TFDP1: variants seen among roughly 807,000 people sequenced by gnomAD.
The protein encoded by TFDP1 is transcription factor Dp-1.
TFDP1 carries 6 observed loss-of-function variants against 48.0 expected under a neutral mutation model. That is an observed-to-expected ratio of 0.13 (90% CI 0.07 to 0.25). TFDP1 has a LOEUF of 0.25. Ranked by LOEUF, TFDP1 falls within the 10% of genes least tolerant of loss-of-function variation. The probability of loss-of-function intolerance (pLI) is 1.00; values close to 1 mark genes in which losing one functional copy is unlikely to be tolerated. For missense variants in TFDP1, 335 were observed against 543.0 expected, an observed-to-expected ratio of 0.62 and a Z score of 3.81; for synonymous variants, 201 against 211.6, an observed-to-expected ratio of 0.95 and a Z score of 0.44.
Position 113,623,304 on chromosome 13 carries a change from G to A in TFDP1, c.186+18G>A, listed in dbSNP as rs772521791. The A allele has an allele frequency of 3.8e-6, 6 of 1,593,892 alleles. No individual in the cohort carries two copies. The highest frequency in any genetic ancestry group is 5.1e-6 in the Non-Finnish European group (6 of 1,169,916). ...AGCAAGTGGTAAGCCTCCCGCAGGA[G>A]CGGACAGCCGGGATCTCGGTGTGAG... is the stretch of plus-strand genomic sequence containing the variant. On this transcript the variant is annotated intron_variant, in intron 4 of 11. Transcript: ENST00000375370. The surrounding 1 kb of genome is among the most constrained non-coding windows in gnomAD (Gnocchi z 5.2).
chr13:113,608,511 C>T (rs1041883614), intron 2 of TFDP1, among the ~76,000 whole-genome samples: 1 of 152,196 alleles, frequency 6.6e-6, no homozygotes, highest in Non-Finnish European at 1.5e-5. Context: ...TCCACGCACA[C>T]GGGGCTGGAG....
intron 3 of TFDP1, among the ~76,000 whole-genome samples, chr13:113,617,527 A>G (rs1189520340): frequency 3.7e-5 from 5 of 136,866 alleles, no homozygotes; most frequent in East Asian, 2.2e-4. Flanking sequence ...CACCTGCAGA[A>G]CCATTCACCT....
At chr13:113,589,457 C>G (rs920475982) in intron 2 of TFDP1, among the ~76,000 whole-genome samples, 6 of 152,120 alleles carry the variant, frequency 3.9e-5, no homozygotes, top group African/African-American at 1.4e-4. Flanking sequence ...CATGCCTGGC[C>G]CACCCGGTCT....
In TFDP1 at chr13:113,636,138, G is replaced by A. The variant is rs1031844209; in HGVS notation, c.839+10G>A. ...GCATCTCCAATGACAAGTAGGTTGT[G>A]GGCGGGGAGCTGTTCCCTGGTCACC... On this transcript the variant is annotated intron_variant, in intron 9 of 11. Coordinates refer to ENST00000375370, the MANE Select transcript of TFDP1 (RefSeq NM_007111.5). 11 of 1,613,806 alleles carry A rather than the reference G, an allele frequency of 6.8e-6. No homozygotes were observed. Among genetic ancestry groups the A allele is most frequent in the Non-Finnish European group, 9.3e-6 (11 of 1,179,910 alleles).
intron 4 of TFDP1, among the ~76,000 whole-genome samples, chr13:113,625,268 C>T (rs1415768787): frequency 8.1e-6 from 1 of 122,916 alleles, no homozygotes; most frequent in African/African-American, 3.7e-5. Flanking sequence ...TCTCACATGT[C>T]CTCAGGTGTC....
intron 2 of TFDP1, among the ~76,000 whole-genome samples, chr13:113,599,983 TGA>T (rs928155645): frequency 2.7e-5 from 4 of 147,126 alleles, no homozygotes; most frequent in South Asian, 2.2e-4. Context: ...TCCAGGACCA[TGA>T]GAGAGAGCCC....
chr13:113,617,984 G>A (rs2048904842), intron 3 of TFDP1, among the ~76,000 whole-genome samples: 1 of 152,196 alleles, frequency 6.6e-6, no homozygotes, highest in South Asian at 2.1e-4. Context: ...TCCCAAGAAA[G>A]GAATTCTCCA....
At chr13:113,630,409 G>C (rs1407079598) in intron 4 of TFDP1, among the ~76,000 whole-genome samples, 1 of 152,148 alleles carries the variant, frequency 6.6e-6, no homozygotes, top group Non-Finnish European at 1.5e-5. Context: ...ATCTGGCCTA[G>C]GGATAATTGG....
chr13:113,631,851 C>A, intron 5 of TFDP1, 107 bp downstream of exon 5: 3 of 1,427,914 alleles, frequency 2.1e-6, no homozygotes, highest in Admixed American at 2.2e-5. Context: ...GGGGCTCCCA[C>A]GCGCGTTGAC....
In TFDP1 at chr13:113,633,876, C is replaced by A. The variant is rs2049403309; in HGVS notation, c.475-14C>A. The A allele has an allele frequency of 1.2e-6, 2 of 1,601,112 alleles. No homozygotes were observed. Among genetic ancestry groups the A allele is most frequent in the South Asian group, 2.2e-5 (2 of 89,374 alleles). ...TTTGGATCATTTGGAAACTCCACTC[C>A]CTGTCATCCCCAGGCTTATGACCAG... is the stretch of plus-strand genomic sequence containing the variant. On this transcript the variant is annotated splice_polypyrimidine_tract_variant and intron_variant, in intron 6 of 11. Coordinates refer to ENST00000375370, the MANE Select transcript of TFDP1 (RefSeq NM_007111.5). This position sits in a 1 kb window ranked among gnomAD's most constrained non-coding sequence, Gnocchi z 4.5.
At chr13:113,634,282 T>A (rs2049414847) in intron 7 of TFDP1, 1 of 647,484 alleles carries the variant, frequency 1.5e-6, no homozygotes, top group African/African-American at 1.8e-5. Flanking sequence ...GTTTGTGGGA[T>A]TTTTGTTTTC....
At position 113,634,166 on chromosome 13, in the gene TFDP1, G is replaced by A. The variant is rs753511070; in HGVS notation, c.618+133G>A. The A allele has an allele frequency of 3.1e-6, 4 of 1,274,190 alleles. No homozygotes were observed. In the Admixed American group the frequency reaches 7.3e-5, roughly 23 times the overall value. 78.9% of individuals were successfully genotyped at this position (1,274,190 alleles called of 1,614,324 possible). On this transcript the variant is annotated intron_variant, in intron 7 of 11. Coordinates refer to ENST00000375370, the MANE Select transcript of TFDP1 (RefSeq NM_007111.5). The stretch of plus-strand genomic sequence containing the variant: ...TGTCCGGCTGGCAGACGGTCATGCA[G>A]ACGTCTCCCTGCGTTTCTCAGTCTT...
intron 7 of TFDP1, 109 bp from the exon 8 acceptor site, chr13:113,634,425 A>G (rs2049418508): frequency 2.2e-6 from 2 of 923,242 alleles, no homozygotes; most frequent in Non-Finnish European, 3.4e-6. Context: ...CTTCGATTAC[A>G]TTCTGGGTAA....
chr13:113,585,717 G>A (rs1277551576), intron 1 of TFDP1, 57 bp from the exon 2 acceptor site: 11 of 1,105,008 alleles, frequency 1.0e-5, no homozygotes, highest in African/African-American at 1.6e-5. Flanking sequence ...TTTAAACTTC[G>A]TTTTTCATTC....
intron 2 of TFDP1, among the ~76,000 whole-genome samples, chr13:113,592,587 T>C (rs189426142): frequency 1.3e-3 from 200 of 152,346 alleles, no homozygotes; most frequent in Non-Finnish European, 2.0e-3. Flanking sequence ...ACCCTGGTCT[T>C]CTGTTCATTA....
At chr13:113,636,787 T>A in intron 10 of TFDP1, 87 bp downstream of exon 10, 2 of 1,467,116 alleles carry the variant, frequency 1.4e-6, no homozygotes, top group African/African-American at 3.1e-5. Flanking sequence ...GCTCGGGATG[T>A]GTCTTGCTGA....
chr13:113,623,403 G>A lies in TFDP1; in HGVS notation c.186+117G>A. The A allele has an allele frequency of 4.2e-6, 4 of 948,224 alleles. No homozygotes were observed. The highest frequency in any genetic ancestry group is 6.3e-6 in the Non-Finnish European group (4 of 630,566). 58.7% of individuals were successfully genotyped at this position (948,224 alleles called of 1,614,324 possible). On this transcript the variant is annotated intron_variant, in intron 4 of 11. Coordinates refer to ENST00000375370, the MANE Select transcript of TFDP1 (RefSeq NM_007111.5). The surrounding 1 kb of genome is among the most constrained non-coding windows in gnomAD (Gnocchi z 5.2). The stretch of plus-strand genomic sequence containing the variant: ...GGATTTGGGCTCCAGTTGCAGCATG[G>A]GGCCTTTCCCTCATCAGGGAGCCCG...
chr13:113,606,620 G>C (rs993342765), intron 2 of TFDP1, among the ~76,000 whole-genome samples: 17 of 152,230 alleles, frequency 1.1e-4, no homozygotes, highest in Non-Finnish European at 2.2e-4. Flanking sequence ...GCCATCAGCT[G>C]CCTGCTCCCG....
Position 113,585,831 on chromosome 13 carries a change from T to C in TFDP1, c.-7T>C. ...ATTTGTAGCATTGATTTCCCGGATC[T>C]GGTAACATGGCAAAAGATGTAAGTA... On this transcript the variant is annotated 5_prime_UTR_variant, in exon 2 of 12. Coordinates refer to ENST00000375370, the MANE Select transcript of TFDP1 (RefSeq NM_007111.5). 1.3e-6 allele frequency: 2 copies of C among 1,598,986 alleles called. No homozygotes were observed. The highest frequency in any genetic ancestry group is 1.7e-6 in the Non-Finnish European group (2 of 1,167,874).
Sources: gnomAD v4.1 joint callset for allele counts (sites outside exome capture counted in the v4.1 genomes callset) on GRCh38, gnomAD v4.1.1 for gene constraint, Gnocchi (gnomAD v3.1) non-coding constraint, MANE v1.5 for transcripts, NCBI Gene and HGNC (gene_info 2026-07-23, HGNC 2026-07-21) for gene names.